Variants in ACSS3 observed in about 807,000 individuals in gnomAD.
ACSS3 encodes the protein acyl-CoA synthetase short-chain family member 3, mitochondrial.
In ACSS3, 64 loss-of-function variants were observed where a neutral mutation model predicts 84.2. That is an observed-to-expected ratio of 0.76 (90% CI 0.62 to 0.94). ACSS3 has a LOEUF of 0.94. ACSS3 is among the 40% of genes least tolerant of loss of function. The pLI is 0.00. For synonymous variants in ACSS3, 317 were observed against 310.1 expected (o/e 1.02, Z -0.23); for missense variants, 815 against 867.6 (o/e 0.94, Z 0.76).
At chr12:81,236,069 A>G (rs1353758399) in intron 13 of ACSS3, among the ~76,000 whole-genome samples, 1 of 151,492 alleles carries the variant, frequency 6.6e-6, no homozygotes, top group Admixed American at 6.6e-5. Flanking sequence ...GGTAAAGGCA[A>G]GAATGGTGCT....
intron 1 of ACSS3, among the ~76,000 whole-genome samples, chr12:81,087,991 A>G (rs1242958033): frequency 6.6e-6 from 1 of 152,058 alleles, no homozygotes; most frequent in East Asian, 1.9e-4. Flanking sequence ...GGGTATTACT[A>G]TTTTTTGTGT....
At chr12:81,145,555 A>C (rs1338842576) in intron 5 of ACSS3, among the ~76,000 whole-genome samples, 1 of 152,168 alleles carries the variant, frequency 6.6e-6, no homozygotes, top group Non-Finnish European at 1.5e-5. Context: ...GAGACAAAGA[A>C]ATTAGTTTTC....
At chr12:81,092,236 C>A (rs1881715122) in intron 1 of ACSS3, among the ~76,000 whole-genome samples, 1 of 152,046 alleles carries the variant, frequency 6.6e-6, no homozygotes, top group African/African-American at 2.4e-5. Context: ...TGAATGACCT[C>A]TATGGACCAG....
chr12:81,190,980 G>A (rs2031541918), intron 8 of ACSS3, among the ~76,000 whole-genome samples: 1 of 151,802 alleles, frequency 6.6e-6, no homozygotes, highest in Admixed American at 6.6e-5. Context: ...AAATATAGCT[G>A]AATTTAATTT....
intron 5 of ACSS3, among the ~76,000 whole-genome samples, chr12:81,144,385 G>T (rs1447498855): frequency 6.6e-6 from 1 of 152,160 alleles, no homozygotes; most frequent in Non-Finnish European, 1.5e-5. Flanking sequence ...TTATGATTTT[G>T]TTGCAACTCT....
chr12:81,231,050 A>T lies in ACSS3; in HGVS notation c.1515-7A>T. On this transcript the variant is annotated splice_region_variant and splice_polypyrimidine_tract_variant and intron_variant, in intron 11 of 15. Transcript: ENST00000548058. The stretch of plus-strand genomic sequence containing the variant: ...TCATAATTTTAACTTCTCTGTTTTT[A>T]TATAAGGTTACCATTGCCACCTGGG... The T allele has an allele frequency of 3.1e-6, 5 of 1,604,980 alleles. No individual in the cohort carries two copies. Among genetic ancestry groups the T allele is most frequent in the Non-Finnish European group, 4.3e-6 (5 of 1,173,454 alleles).
intron 3 of ACSS3, among the ~76,000 whole-genome samples, chr12:81,135,241 T>C (rs564115529): frequency 1.4e-5 from 2 of 143,416 alleles, no homozygotes; most frequent in African/African-American, 5.4e-5. Context: ...TAAGTGACCA[T>C]CAACTGAAGA....
chr12:81,219,226 A>C (rs942285665), intron 10 of ACSS3, among the ~76,000 whole-genome samples: 1 of 152,148 alleles, frequency 6.6e-6, no homozygotes, highest in Non-Finnish European at 1.5e-5. Context: ...GTGAACTCAC[A>C]ATCTAGTTAG....
chr12:81,187,349 C>G (rs1391155583), intron 8 of ACSS3, among the ~76,000 whole-genome samples: 1 of 151,556 alleles, frequency 6.6e-6, no homozygotes, highest in African/African-American at 2.4e-5. Flanking sequence ...TAAAATTAAA[C>G]AAGAAAATGT....
intron 8 of ACSS3, among the ~76,000 whole-genome samples, chr12:81,179,978 C>G (rs909240821): frequency 1.3e-5 from 2 of 152,112 alleles, no homozygotes; most frequent in African/African-American, 4.8e-5. Context: ...GACATGTGAT[C>G]AAGCTAAATG....
In ACSS3 at chr12:81,216,994, A is replaced by G. The variant is rs774843984; in HGVS notation, c.1448A>G (p.Asn483Ser). The part of the protein sequence containing the change: ...GQAGKSVPGY[N>S]VMILDDNMQK... ...GCAGGAAAAAGCGTCCCAGGATACA[A>G]TGGTAAGGAATGACCCTGATAATAC... Residue 483 changes from asparagine to serine, a missense_variant and splice_region_variant, in exon 10 of 16, where the codon AAT (asparagine) becomes AGT (serine). Coordinates refer to ENST00000548058, the MANE Select transcript of ACSS3 (RefSeq NM_024560.4). 8.1e-6 allele frequency: 13 copies of G among 1,604,948 alleles called. No homozygotes were observed. The highest frequency in any genetic ancestry group is 1.1e-5 in the Non-Finnish European group (13 of 1,172,580).
chr12:81,213,189 G>A (rs2032662388), intron 9 of ACSS3, among the ~76,000 whole-genome samples: 1 of 152,140 alleles, frequency 6.6e-6, no homozygotes, highest in Admixed American at 6.5e-5. Flanking sequence ...GATGTTTTTA[G>A]AACATCCTGG....
chr12:81,224,339 T>A (rs1487106922), intron 11 of ACSS3, among the ~76,000 whole-genome samples: 1 of 151,870 alleles, frequency 6.6e-6, no homozygotes, highest in Middle Eastern at 3.2e-3. Flanking sequence ...GTGCACCCAC[T>A]GTTCCAGAAG....
chr12:81,097,486 T>C (rs896271622), intron 1 of ACSS3, among the ~76,000 whole-genome samples: 10 of 152,226 alleles, frequency 6.6e-5, no homozygotes, highest in African/African-American at 2.4e-4. Flanking sequence ...CTCTAAAATT[T>C]TCCTTTACAG....
intron 2 of ACSS3, among the ~76,000 whole-genome samples, chr12:81,131,453 C>T (rs1040779432): frequency 2.0e-5 from 3 of 152,118 alleles, no homozygotes; most frequent in African/African-American, 7.2e-5. Flanking sequence ...TATAGGAATG[C>T]CTGTGGTTTT....
intron 7 of ACSS3, among the ~76,000 whole-genome samples, chr12:81,165,371 C>A (rs956967539): frequency 1.3e-5 from 2 of 152,156 alleles, no homozygotes; most frequent in African/African-American, 4.8e-5. Flanking sequence ...AGAGGCCGGG[C>A]GCAGTGGCTC....
intron 11 of ACSS3, among the ~76,000 whole-genome samples, chr12:81,224,856 T>C (rs1479359296): frequency 6.6e-6 from 1 of 151,892 alleles, no homozygotes; most frequent in African/African-American, 2.4e-5. Flanking sequence ...AGTAGCCGTC[T>C]TGGTTATCAG....
intron 1 of ACSS3, among the ~76,000 whole-genome samples, chr12:81,079,871 G>A (rs1880859826): frequency 6.6e-6 from 1 of 152,116 alleles, no homozygotes; most frequent in Non-Finnish European, 1.5e-5. Flanking sequence ...CTTAGTAAAG[G>A]ATGAAGACTA....
chr12:81,185,283 CT>C (rs2031188022), intron 8 of ACSS3, among the ~76,000 whole-genome samples: 1 of 151,686 alleles, frequency 6.6e-6, no homozygotes, highest in African/African-American at 2.4e-5. Flanking sequence ...CCACTAAGAT[CT>C]GGTAAGGCAA....
Sources: gnomAD v4.1 joint callset for allele counts (sites outside exome capture counted in the v4.1 genomes callset) on GRCh38, gnomAD v4.1.1 for gene constraint, MANE v1.5 for transcripts, NCBI Gene and HGNC (gene_info 2026-07-23, HGNC 2026-07-21) for gene names.